The following ATP13A5 variants were observed in gnomAD, a reference collection of about 807,000 sequenced individuals.
ATP13A5 encodes probable cation-transporting ATPase 13A5.
Under a neutral mutation model 150.2 loss-of-function variants are expected in ATP13A5, and 149 were observed. That is an observed-to-expected ratio of 0.99 (90% confidence interval 0.87 to 1.14). ATP13A5 has a LOEUF of 1.14. Among genes scored for constraint, ATP13A5 ranks in the 50% most tolerant of loss-of-function variants. ATP13A5 has a pLI of 0.00. For missense variants in ATP13A5, 1,383 were observed against 1,449.3 expected, an observed-to-expected ratio of 0.95 and a Z score of 0.74; for synonymous variants, 497 against 522.2, an observed-to-expected ratio of 0.95 and a Z score of 0.66.
At chr3:193,331,739 T>C (rs374060235) in intron 11 of ATP13A5, among the ~76,000 whole-genome samples, 23 of 152,152 alleles carry the variant, frequency 1.5e-4, no homozygotes, top group African/African-American at 5.3e-4. Flanking sequence ...GAAGCCAATA[T>C]AAAATTAGCT....
chr3:193,289,315 GA>G (rs1717851846), intron 26 of ATP13A5, among the ~76,000 whole-genome samples: 1 of 152,020 alleles, frequency 6.6e-6, no homozygotes. Flanking sequence ...TCAGAACAAG[GA>G]TACCATCAAT....
rs1717122338 is a variant in ATP13A5, at chr3:193,275,055, C to A, written c.3644G>T (p.Trp1215Leu). The change falls in exon 30 of 30, where the codon TGG becomes TTG. Residue 1215 changes from tryptophan (W) to leucine (L), a missense_variant. Transcript: ENST00000342358. ...CGACAATTCTGATTACAGCCTGGCCCAGAAATGCTGTTCTGTGGGTTGGCC... is the reference window on the plus strand; with the variant it reads ...CGACAATTCTGATTACAGCCTGGCCAAGAAATGCTGTTCTGTGGGTTGGCC... ...LGGQPTEQHFWARL is the reference protein window; with the variant it reads ...LGGQPTEQHFLARL The A allele has an allele frequency of 6.2e-7, 1 of 1,614,156 alleles. No homozygotes were observed. The highest frequency in any genetic ancestry group is 1.7e-5 in the Admixed American group (1 of 60,018).
chr3:193,280,306 C>T (rs1717428817), intron 27 of ATP13A5, among the ~76,000 whole-genome samples: 1 of 152,182 alleles, frequency 6.6e-6, no homozygotes, highest in African/African-American at 2.4e-5. Context: ...CCCGCCTCGG[C>T]CTCCCAAAGT....
chr3:193,289,491 A>C (rs1374645873), intron 26 of ATP13A5, among the ~76,000 whole-genome samples: 1 of 152,094 alleles, frequency 6.6e-6, no homozygotes, highest in East Asian at 1.9e-4. Flanking sequence ...CCACTTGTTT[A>C]CCTATTGTCT....
chr3:193,301,429 A>T, intron 23 of ATP13A5, 122 bp from the exon 24 acceptor site: 1 of 669,764 alleles, frequency 1.5e-6, no homozygotes, highest in Non-Finnish European at 2.6e-6. Context: ...TTAATCATGA[A>T]TTCATCCTCC....
chr3:193,371,189 G>T lies in ATP13A5; in HGVS notation c.64-6909C>A, dbSNP rs1713425993. Among the ~76,000 whole-genome samples, 2 of 152,182 alleles carry T rather than the reference G, an allele frequency of 1.3e-5. 1 individual carries two copies. Among genetic ancestry groups the T allele is most frequent in the African/African-American group, 4.8e-5 (2 of 41,456 alleles). ...GGCATGGAACAACATGGCAAGTTCG[G>T]TTAAAAGTCATTTGTAAAATAAGAG... is the stretch of plus-strand genomic sequence containing the variant. On this transcript the variant is annotated intron_variant, in intron 1 of 29. Transcript: ENST00000342358.
At chr3:193,374,643 A>ACT (rs1553824613) in intron 1 of ATP13A5, among the ~76,000 whole-genome samples, 2 of 42,610 alleles carry the variant, frequency 4.7e-5, no homozygotes, top group African/African-American at 2.8e-4. Context: ...AGACCATGAC[A>ACT]CACACACACA....
intron 7 of ATP13A5, among the ~76,000 whole-genome samples, chr3:193,350,107 G>A (rs1340827715): frequency 6.6e-6 from 1 of 151,850 alleles, no homozygotes; most frequent in East Asian, 1.9e-4. Context: ...TTGGTGAATT[G>A]CCATTATATA....
intron 11 of ATP13A5, among the ~76,000 whole-genome samples, chr3:193,332,800 T>C (rs985468450): frequency 1.3e-5 from 2 of 152,166 alleles, no homozygotes; most frequent in Admixed American, 6.5e-5. Context: ...ATTAGTCTTG[T>C]TGCCTCAGTG....
intron 25 of ATP13A5, among the ~76,000 whole-genome samples, chr3:193,295,740 A>G (rs1013555117): frequency 1.3e-4 from 20 of 152,292 alleles, no homozygotes; most frequent in African/African-American, 4.8e-4. Context: ...CATAGTGTCT[A>G]GCAAGAGAGA....
intron 16 of ATP13A5, among the ~76,000 whole-genome samples, chr3:193,320,937 T>C (rs1331752038): frequency 2.0e-5 from 3 of 152,200 alleles, no homozygotes; most frequent in African/African-American, 4.8e-5. Flanking sequence ...TACCATTGAA[T>C]TTACTCTGAT....
chr3:193,305,831 C>T (rs1718592674), intron 22 of ATP13A5, among the ~76,000 whole-genome samples, 163 bp from the exon 23 acceptor site: 2 of 152,082 alleles, frequency 1.3e-5, no homozygotes, highest in South Asian at 4.2e-4. Context: ...CCCTCTCTCC[C>T]CTGATCCACA....
chr3:193,319,206 A>C, intron 16 of ATP13A5, 98 bp from the exon 17 acceptor site: 1 of 847,236 alleles, frequency 1.2e-6, no homozygotes, highest in Non-Finnish European at 1.9e-6. Flanking sequence ...CTTAACTTTC[A>C]TTCCATAAAA....
intron 11 of ATP13A5, 63 bp downstream of exon 11, chr3:193,333,687 C>A: frequency 3.4e-6 from 5 of 1,473,844 alleles, no homozygotes; most frequent in Middle Eastern, 1.8e-4. Context: ...AACCAATCCT[C>A]TGAGTTAGGT....
intron 12 of ATP13A5, among the ~76,000 whole-genome samples, chr3:193,329,785 A>G (rs1460281752): frequency 1.3e-5 from 2 of 151,778 alleles, no homozygotes; most frequent in African/African-American, 4.8e-5. Flanking sequence ...TTTGCCTTCT[A>G]CTCTCCATCC....
At chr3:193,301,135 T>C (rs1718381209) in intron 24 of ATP13A5, 76 bp downstream of exon 24, 1 of 1,143,652 alleles carries the variant, frequency 8.7e-7, no homozygotes, top group Non-Finnish European at 1.3e-6. Flanking sequence ...AAATCTTGTA[T>C]AGGAGCTACA....
intron 7 of ATP13A5, among the ~76,000 whole-genome samples, chr3:193,350,185 T>A (rs1712509647): frequency 6.6e-6 from 1 of 152,010 alleles, no homozygotes; most frequent in Non-Finnish European, 1.5e-5. Flanking sequence ...TAAAAATTAA[T>A]AAAGACATAA....
chr3:193,294,436 T>C (rs191236418), intron 25 of ATP13A5, among the ~76,000 whole-genome samples: 213 of 152,212 alleles, frequency 1.4e-3, no homozygotes, highest in Non-Finnish European at 2.3e-3. Flanking sequence ...TAGAGTCAAA[T>C]TGGACTTCCA....
intron 7 of ATP13A5, among the ~76,000 whole-genome samples, chr3:193,349,770 G>A (rs1046395833): frequency 1.8e-4 from 28 of 151,924 alleles, no homozygotes; most frequent in African/African-American, 6.3e-4. Flanking sequence ...ATGAATCCAG[G>A]GGAAATAAAC....
Sources: allele counts gnomAD v4.1 joint callset (sites outside exome capture counted in the v4.1 genomes callset), GRCh38; gene constraint gnomAD v4.1.1; transcripts MANE v1.5; gene names NCBI Gene and HGNC (gene_info 2026-07-23, HGNC 2026-07-21).